Variants in MED21 observed in about 807,000 individuals in gnomAD.
MED21 encodes mediator complex subunit 21, also known as mediator of RNA polymerase II transcription subunit 21.
Under a neutral mutation model 18.2 loss-of-function variants are expected in MED21, and 9 were observed. The observed-to-expected ratio is 0.49, with a 90% CI of 0.30 to 0.86. MED21 has a LOEUF of 0.86. Ranked by LOEUF, MED21 falls within the 40% of genes least tolerant of loss-of-function variation. MED21 has a pLI of 0.07. For synonymous variants in MED21, 73 were observed against 60.5 expected (o/e 1.21, Z -0.96); for missense variants, 150 against 170.9 (o/e 0.88, Z 0.68).
At chr12:27,025,965 C>T (rs544355961) in intron 1 of MED21, among the ~76,000 whole-genome samples, 33 of 152,192 alleles carry the variant, frequency 2.2e-4, no homozygotes, top group Non-Finnish European at 4.0e-4. Context: ...CTTGTAACTA[C>T]TCCAGTCTCA....
chr12:27,027,414 C>T lies in MED21; in HGVS notation c.225C>T (p.Ser75=). Residue 75 remains serine (S), a synonymous_variant, in exon 3 of 4, where the codon TCC becomes TCT. Transcript: ENST00000282892. Reference sequence around the variant, plus strand: ...AAGACATTGATGTTTTGATAGATTCCTTACCCAGTGAAGAATCTACAGCTG... The same window carrying T: ...AAGACATTGATGTTTTGATAGATTCTTTACCCAGTGAAGAATCTACAGCTG... The part of the protein sequence containing the change: ...TAKDIDVLID[S]LPSEESTAAL... 2 of 1,613,420 alleles carry T rather than the reference C, an allele frequency of 1.2e-6. No individual in the cohort carries two copies. The highest frequency in any genetic ancestry group is 1.7e-6 in the Non-Finnish European group (2 of 1,179,548).
chr12:27,030,963 A>G (rs187671030), downstream of MED21, among the ~76,000 whole-genome samples: 17 of 152,306 alleles, frequency 1.1e-4, no homozygotes, highest in Non-Finnish European at 2.2e-4. Flanking sequence ...GCTGGAGTGC[A>G]ATGGCACGAT....
chr12:27,031,544 T>C (rs1438787843), downstream of MED21, among the ~76,000 whole-genome samples: 1 of 152,214 alleles, frequency 6.6e-6, no homozygotes, highest in Non-Finnish European at 1.5e-5. Context: ...TACCATAGAC[T>C]GTCAATTACC....
chr12:27,033,007 C>G (rs955517609), downstream of MED21, among the ~76,000 whole-genome samples: 1 of 152,088 alleles, frequency 6.6e-6, no homozygotes, highest in Non-Finnish European at 1.5e-5. Context: ...TTTTTTCTAG[C>G]CTGTTTATTC....
At chr12:27,035,425 G>A (rs1480384696), downstream of MED21, among the ~76,000 whole-genome samples, 2 of 150,530 alleles carry the variant, frequency 1.3e-5, no homozygotes, top group East Asian at 2.0e-4. Flanking sequence ...TTGGATTAAG[G>A]TGATTTGTTA....
downstream of MED21, chr12:27,030,719 G>C (rs1404376581): frequency 1.3e-5 from 2 of 152,110 alleles, no homozygotes; most frequent in Non-Finnish European, 1.5e-5. Context: ...TTAATATCCT[G>C]CTTCTCTATT....
downstream of MED21, among the ~76,000 whole-genome samples, chr12:27,031,479 C>T (rs535420939): frequency 2.0e-5 from 3 of 152,128 alleles, no homozygotes; most frequent in African/African-American, 7.2e-5. Flanking sequence ...ATAAGTAAAC[C>T]CTGTGTCTGG....
downstream of MED21, among the ~76,000 whole-genome samples, chr12:27,032,273 G>A (rs147834565): frequency 6.6e-6 from 1 of 152,182 alleles, no homozygotes; most frequent in Non-Finnish European, 1.5e-5. Context: ...AGGAGAAGGG[G>A]TATCTGAATT....
At position 27,035,949 on chromosome 12, in the gene MED21, T is replaced by C. The variant is rs554500382; in HGVS notation, n.146+8502T>C. Among the ~76,000 whole-genome samples the C allele has an allele frequency of 2.0e-5, 3 of 152,330 alleles. No homozygotes were observed. The South Asian group carries it at 6.2e-4, about 32-fold the overall frequency. On this transcript the variant is annotated intron_variant and non_coding_transcript_variant, in intron 2 of 4. Coordinates refer to the MED21 transcript ENST00000538186. Reference sequence around the variant, plus strand: ...CATGATTTATAGTCCTTTGGGTGTATACCCAGTAGTGGGATGGCTGGGTCA... The same window carrying C: ...CATGATTTATAGTCCTTTGGGTGTACACCCAGTAGTGGGATGGCTGGGTCA...
At chr12:27,033,083 C>G (rs890372725), downstream of MED21, among the ~76,000 whole-genome samples, 2 of 152,170 alleles carry the variant, frequency 1.3e-5, no homozygotes, top group Non-Finnish European at 2.9e-5. Flanking sequence ...GCAGATCTTA[C>G]CTTTGAAGCA....
chr12:27,028,256 A>T, intron 3 of MED21, 29 bp from the exon 4 acceptor site: 1 of 1,568,008 alleles, frequency 6.4e-7, no homozygotes, highest in Non-Finnish European at 8.7e-7. Flanking sequence ...TCTAAACTCT[A>T]AAGATTTTAA....
At chr12:27,023,130 T>G (rs1471668617) in intron 1 of MED21, among the ~76,000 whole-genome samples, 1 of 151,946 alleles carries the variant, frequency 6.6e-6, no homozygotes, top group Non-Finnish European at 1.5e-5. Flanking sequence ...GATGCTGAGG[T>G]GAGGTGAGAG....
chr12:27,025,341 G>T (rs1262150528), intron 1 of MED21, among the ~76,000 whole-genome samples: 1 of 152,178 alleles, frequency 6.6e-6, no homozygotes, highest in Non-Finnish European at 1.5e-5. Flanking sequence ...ATATGAAGGA[G>T]TAGTGGAAAA....
At chr12:27,025,594 C>T (rs898699275) in intron 1 of MED21, among the ~76,000 whole-genome samples, 3 of 152,002 alleles carry the variant, frequency 2.0e-5, no homozygotes, top group African/African-American at 7.2e-5. Context: ...ATATGAAGAT[C>T]AAAGGAAAGT....
rs1488971029 is a variant in MED21, at chr12:27,028,999, T to TTC, written c.*540_*541dup. On this transcript the variant is annotated 3_prime_UTR_variant, in exon 4 of 4. Coordinates refer to ENST00000282892, the MANE Select transcript of MED21 (RefSeq NM_004264.5). ...AAGAAAGTCACATTTATGCAAATGT[T>TTC]TCTTCTGCTAGAACCTCATACCTGT... 25 of 985,370 alleles carry TTC rather than the reference T, an allele frequency of 2.5e-5. No homozygotes were observed. Among genetic ancestry groups the TTC allele is most frequent in the Non-Finnish European group, 2.9e-5 (24 of 829,966 alleles). 61.0% of individuals were successfully genotyped at this position (985,370 alleles called of 1,614,324 possible).
At chr12:27,035,841 T>A (rs967421376) in intron 2 of MED21, among the ~76,000 whole-genome samples, 1 of 151,804 alleles carries the variant, frequency 6.6e-6, no homozygotes, top group Non-Finnish European at 1.5e-5. Context: ...TCTATCATTG[T>A]TGGACATTTG....
intron 1 of MED21, 156 bp downstream of exon 1, chr12:27,022,777 C>A: frequency 6.5e-7 from 1 of 1,531,532 alleles, no homozygotes; most frequent in Non-Finnish European, 8.8e-7. Context: ...ACCGCGAACT[C>A]GGAGGTTTGA....
downstream of MED21, among the ~76,000 whole-genome samples, chr12:27,034,358 G>T (rs1352697117): frequency 6.6e-6 from 1 of 152,136 alleles, no homozygotes; most frequent in East Asian, 1.9e-4. Context: ...GGAGGCGGAG[G>T]TTGCAGTGAG....
downstream of MED21, among the ~76,000 whole-genome samples, chr12:27,035,339 GA>G (rs1042904610): frequency 2.0e-5 from 3 of 151,622 alleles, no homozygotes; most frequent in Non-Finnish European, 4.4e-5. Context: ...GTTTTATACA[GA>G]AAGTATAAAG....
Sources: allele counts gnomAD v4.1 joint callset (sites outside exome capture counted in the v4.1 genomes callset), GRCh38; gene constraint gnomAD v4.1.1; transcripts MANE v1.5; gene names NCBI Gene and HGNC (gene_info 2026-07-23, HGNC 2026-07-21).